The following ZNF141 variants were observed in gnomAD, a reference collection of about 807,000 sequenced individuals.
The protein encoded by ZNF141 is zinc finger protein 141.
A neutral mutation model predicts 11.3 loss-of-function variants in ZNF141; 7 were observed. That is an observed-to-expected ratio of 0.62 (90% CI 0.35 to 1.16). The LOEUF is 1.16. Among genes scored for constraint, ZNF141 ranks in the 50% most tolerant of loss-of-function variants. The probability of loss-of-function intolerance (pLI) is 0.02; values close to 1 mark genes in which losing one functional copy is unlikely to be tolerated. For synonymous variants in ZNF141, 183 were observed against 190.7 expected (o/e 0.96, Z 0.33); for missense variants, 535 against 554.0 (o/e 0.97, Z 0.34).
chr4:353,298 C>G (rs922487845), intron 3 of ZNF141, among the ~76,000 whole-genome samples: 1 of 150,836 alleles, frequency 6.6e-6, no homozygotes, highest in Non-Finnish European at 1.5e-5. Flanking sequence ...TGCTTGAACC[C>G]TCAGAGGTCA....
rs1712344411 is a variant in ZNF141 at position 375,949 on chromosome 4, G to A, written c.*2087G>A. ...ATATTGAGTGATGCATGAGGTAGGTGTTCAGAGTAATATTCTTCTGCATTA... is the reference window on the plus strand; with the variant it reads ...ATATTGAGTGATGCATGAGGTAGGTATTCAGAGTAATATTCTTCTGCATTA... On this transcript the variant is annotated 3_prime_UTR_variant, in exon 4 of 4. Coordinates refer to ENST00000240499, the MANE Select transcript of ZNF141 (RefSeq NM_003441.4). Among the ~76,000 whole-genome samples the A allele has an allele frequency of 6.6e-6, 1 of 152,134 alleles. No homozygotes were observed. The highest frequency in any genetic ancestry group is 1.5e-5 in the Non-Finnish European group (1 of 67,904).
chr4:356,897 T>TC (rs1721867516), intron 3 of ZNF141, among the ~76,000 whole-genome samples: 1 of 152,194 alleles, frequency 6.6e-6, no homozygotes, highest in African/African-American at 2.4e-5. Flanking sequence ...CTAGTTTTTT[T>TC]TTTGTAATTT....
intron 1 of ZNF141, among the ~76,000 whole-genome samples, chr4:342,416 A>T (rs1400625307): frequency 6.6e-6 from 1 of 152,206 alleles, no homozygotes; most frequent in Non-Finnish European, 1.5e-5. Context: ...TGTTGTGATA[A>T]CGGTGTTGGG....
chr4:364,931 C>A (rs369806912), intron 3 of ZNF141, among the ~76,000 whole-genome samples: 3 of 152,366 alleles, frequency 2.0e-5, no homozygotes, highest in South Asian at 2.1e-4. Context: ...TGCCCTCCCC[C>A]CAGAGGTGGA....
rs1487836671 is a variant in ZNF141 at position 377,629 on chromosome 4, T to G, written c.*3767T>G. Among the ~76,000 whole-genome samples the G allele has an allele frequency of 6.6e-6, 1 of 152,180 alleles. No homozygotes were observed. Among genetic ancestry groups the G allele is most frequent in the African/African-American group, 2.4e-5 (1 of 41,438 alleles). On this transcript the variant is annotated 3_prime_UTR_variant, in exon 4 of 4. Coordinates refer to ENST00000240499, the MANE Select transcript of ZNF141 (RefSeq NM_003441.4). The stretch of plus-strand genomic sequence containing the variant: ...TTTGAGGTTATTTATAGGTTATCAG[T>G]GCAACATTTAGATCACTTGAGATAA...
chr4:349,968 T>C (rs1253810966), intron 3 of ZNF141, among the ~76,000 whole-genome samples: 1 of 150,850 alleles, frequency 6.6e-6, no homozygotes, highest in Non-Finnish European at 1.5e-5. Context: ...CAACTGGCCA[T>C]GGACTGTGAC....
chr4:344,414 C>T lies in ZNF141; in HGVS notation c.210C>T (p.Ile70=), dbSNP rs75942616. The T allele has an allele frequency of 3.7e-6, 6 of 1,605,986 alleles. No homozygotes were observed. The African/African-American group carries it at 5.4e-5, about 14-fold the overall frequency. ...KEPYNVKIHK[I]VARPPAMCSH... is the part of the protein sequence containing the mutation. ...CCTACAATGTGAAGATACATAAGAT[C>T]GTAGCCAGACCCCCAGGTAGGTGAG... Residue 70 remains isoleucine (I), a synonymous_variant, in exon 3 of 4, where the codon ATC becomes ATT. Coordinates refer to ENST00000240499, the MANE Select transcript of ZNF141 (RefSeq NM_003441.4).
At chr4:365,380 C>G (rs146501840) in intron 3 of ZNF141, among the ~76,000 whole-genome samples, 1 of 152,290 alleles carries the variant, frequency 6.6e-6, no homozygotes, top group Non-Finnish European at 1.5e-5. Flanking sequence ...GAACCAGGTA[C>G]CTCAGTTGGA....
Position 381,426 on chromosome 4 carries a change from T to G in ZNF141, c.*7564T>G, listed in dbSNP as rs1712610788. 1.8e-5 allele frequency among the ~76,000 whole-genome samples: 2 copies of G among 113,696 alleles called. No homozygotes were observed. The highest frequency in any genetic ancestry group is 3.6e-5 in the Non-Finnish European group (2 of 56,106). 74.6% of individuals were successfully genotyped at this position (113,696 alleles called of 152,430 possible). A position where few individuals can be genotyped will look rare whatever the true frequency, so the allele number is the denominator to read the frequency against. On this transcript the variant is annotated 3_prime_UTR_variant, in exon 4 of 4. Coordinates refer to ENST00000240499, the MANE Select transcript of ZNF141 (RefSeq NM_003441.4). ...TTTTTTTTTTTTTTTTTTTTTTTTT[T>G]GAGACGTTGTCTTGCTCTGTCGCCC...
At chr4:344,047 T>C (rs1721194253) in intron 2 of ZNF141, 139 bp downstream of exon 2, 2 of 1,248,484 alleles carry the variant, frequency 1.6e-6, no homozygotes, top group African/African-American at 3.1e-5. Flanking sequence ...AGTCCTTCAC[T>C]CTAGGTTAGT....
chr4:349,486 C>T (rs954601253), intron 3 of ZNF141, among the ~76,000 whole-genome samples: 2 of 152,148 alleles, frequency 1.3e-5, no homozygotes, highest in Admixed American at 6.5e-5. Flanking sequence ...TACAAACTTC[C>T]AGTCACATGT....
At chr4:371,192 T>G (rs1712040764) in intron 3 of ZNF141, among the ~76,000 whole-genome samples, 1 of 150,708 alleles carries the variant, frequency 6.6e-6, no homozygotes, top group Admixed American at 6.6e-5. Context: ...TCAGGTCAAA[T>G]TTTAAAACTT....
Position 381,049 on chromosome 4 carries a change from C to T in ZNF141, c.*7187C>T, listed in dbSNP as rs1171902349. 6.6e-6 allele frequency among the ~76,000 whole-genome samples: 1 copy of T among 152,140 alleles called. No individual in the cohort carries two copies. The highest frequency in any genetic ancestry group is 1.5e-5 in the Non-Finnish European group (1 of 68,028). ...CTTTAGCAATTCAGAATATTTATAG[C>T]ATAATTTTTACCTATACCTGTAGTC... is the stretch of plus-strand genomic sequence containing the variant. On this transcript the variant is annotated 3_prime_UTR_variant, in exon 4 of 4. Coordinates refer to ENST00000240499, the MANE Select transcript of ZNF141 (RefSeq NM_003441.4).
At position 383,124 on chromosome 4, in the gene ZNF141, A is replaced by C. The variant is rs1266613116; in HGVS notation, c.*9262A>C. 1 of 701,410 alleles carries C rather than the reference A, an allele frequency of 1.4e-6. No individual in the cohort carries two copies. Among genetic ancestry groups the C allele is most frequent in the African/African-American group, 1.7e-5 (1 of 57,154 alleles). The allele number at this position is 701,410 out of a possible 1,614,324, so 43.4% of individuals were successfully genotyped here. A position where few individuals can be genotyped will look rare whatever the true frequency, so the allele number is the denominator to read the frequency against. ...CTTCCATCTCTATGACAACAAGCCC[A>C]TTTTAGCTTTCTGGAGAATAGCATC... On this transcript the variant is annotated 3_prime_UTR_variant, in exon 4 of 4. Coordinates refer to ENST00000240499, the MANE Select transcript of ZNF141 (RefSeq NM_003441.4).
rs537717831 is a variant in ZNF141 at position 373,988 on chromosome 4, C to T, written c.*126C>T. ...TGAAGAACGTGGCAAAGTTCTTTAC[C>T]TCATTCTCAAACCTTGATAAACATA... On this transcript the variant is annotated 3_prime_UTR_variant, in exon 4 of 4. Transcript: ENST00000240499. 3.1e-5 allele frequency: 26 copies of T among 834,830 alleles called. No homozygotes were observed. Among genetic ancestry groups the T allele is most frequent in the Non-Finnish European group, 9.7e-6 (5 of 517,976 alleles). 51.7% of individuals were successfully genotyped at this position (834,830 alleles called of 1,614,324 possible). A position where few individuals can be genotyped will look rare whatever the true frequency, so the allele number is the denominator to read the frequency against.
chr4:354,227 T>A (rs1433558786), intron 3 of ZNF141, among the ~76,000 whole-genome samples: 1 of 152,132 alleles, frequency 6.6e-6, no homozygotes, highest in Non-Finnish European at 1.5e-5. Context: ...TGTGCACTGA[T>A]CCTCACCCAT....
chr4:364,737 T>G (rs1553852727), intron 3 of ZNF141, among the ~76,000 whole-genome samples: 1 of 152,148 alleles, frequency 6.6e-6, no homozygotes, highest in Admixed American at 6.5e-5. Context: ...GTATGAGGTG[T>G]CAGTCGACTC....
intron 3 of ZNF141, among the ~76,000 whole-genome samples, chr4:363,193 T>A (rs555749348): frequency 6.6e-6 from 1 of 152,208 alleles, no homozygotes; most frequent in African/African-American, 2.4e-5. Flanking sequence ...ACTGGTGTTA[T>A]AGGAATGCTC....
In ZNF141 at chr4:348,840, T is replaced by G. The variant is rs2108690355; in HGVS notation, c.226+4410T>G. ...TACACCTAAATTTTACAATTGTGTTTTCTATTAGTGTGAAAAATGCCAATA... is the reference window on the plus strand; with the variant it reads ...TACACCTAAATTTTACAATTGTGTTGTCTATTAGTGTGAAAAATGCCAATA... On this transcript the variant is annotated intron_variant, in intron 3 of 3. Transcript: ENST00000240499. Among the ~76,000 whole-genome samples, 3 of 152,292 alleles carry G rather than the reference T, an allele frequency of 2.0e-5. No homozygotes were observed. In the Middle Eastern group the frequency reaches 0.01, roughly 518 times the overall value.
Sources: gnomAD v4.1 joint callset for allele counts (sites outside exome capture counted in the v4.1 genomes callset) on GRCh38, gnomAD v4.1.1 for gene constraint, MANE v1.5 for transcripts, NCBI Gene and HGNC (gene_info 2026-07-23, HGNC 2026-07-21) for gene names.